Variants in MICU3 observed in about 807,000 individuals in gnomAD.
The protein encoded by MICU3 is mitochondrial calcium uptake 3.
MICU3 carries 62 observed loss-of-function variants against 66.5 expected under a neutral mutation model. The observed-to-expected ratio is 0.93, with a 90% confidence interval of 0.76 to 1.15. MICU3 has a LOEUF of 1.15. Ranked by LOEUF, MICU3 falls within the 50% of genes most tolerant of loss-of-function variation. MICU3 has a pLI of 0.00. For missense variants in MICU3, 779 were observed against 664.4 expected, an observed-to-expected ratio of 1.17 and a Z score of -1.90; for synonymous variants, 308 against 240.7, an observed-to-expected ratio of 1.28 and a Z score of -2.59.
the MICU3 span, among the ~76,000 whole-genome samples, chr8:17,136,906 C>G: frequency 6.6e-6 from 1 of 151,206 alleles, no homozygotes; most frequent in Non-Finnish European, 1.5e-5. Context: ...GTGATCTCAG[C>G]TCACTGCAAC....
intron 13 of MICU3, among the ~76,000 whole-genome samples, chr8:17,117,787 T>G (rs1325267698): frequency 6.6e-6 from 1 of 152,104 alleles, no homozygotes; most frequent in Admixed American, 6.6e-5. Flanking sequence ...TTTTTGTATT[T>G]TTAGTAGAGA....
downstream of MICU3, among the ~76,000 whole-genome samples, chr8:17,126,698 C>T (rs972644737): frequency 2.6e-5 from 4 of 152,082 alleles, no homozygotes; most frequent in East Asian, 3.9e-4. Context: ...GCTATGTATT[C>T]GGTGAATTTA....
At chr8:17,050,417 A>G (rs934072173) in intron 1 of MICU3, among the ~76,000 whole-genome samples, 1 of 151,986 alleles carries the variant, frequency 6.6e-6, no homozygotes, top group Non-Finnish European at 1.5e-5. Context: ...CACTTTATTA[A>G]TATTTCATTA....
At chr8:17,051,253 G>A (rs1358287283) in intron 1 of MICU3, among the ~76,000 whole-genome samples, 1 of 151,924 alleles carries the variant, frequency 6.6e-6, no homozygotes, top group Non-Finnish European at 1.5e-5. Flanking sequence ...AATTTTTAAA[G>A]CAATCACCAT....
rs779947528 is a variant in MICU3, at chr8:17,104,487, T to C, written c.1081T>C (p.Tyr361His). ...GKAELNFEDFYRFMDNLQTEV... is the reference protein window; with the variant it reads ...GKAELNFEDFHRFMDNLQTEV... ...AGCTGAGCTCAACTTTGAAGATTTTTATAGGTGAGCTTATTTTTATATTTT... is the reference window on the plus strand; with the variant it reads ...AGCTGAGCTCAACTTTGAAGATTTTCATAGGTGAGCTTATTTTTATATTTT... The change falls in exon 10 of 15, where the codon TAT (tyrosine) becomes CAT (histidine). Residue 361 changes from tyrosine (Y) to histidine (H), a missense_variant. Transcript: ENST00000318063. 1 of 1,408,440 alleles carries C rather than the reference T, an allele frequency of 7.1e-7. No individual in the cohort carries two copies. Among genetic ancestry groups the C allele is most frequent in the South Asian group, 1.7e-5 (1 of 58,006 alleles). 87.2% of individuals were successfully genotyped at this position (1,408,440 alleles called of 1,614,324 possible).
chr8:17,112,531 A>C (rs374339335), intron 11 of MICU3, among the ~76,000 whole-genome samples: 2 of 152,192 alleles, frequency 1.3e-5, no homozygotes, highest in African/African-American at 4.8e-5. Flanking sequence ...TTGTTATTTT[A>C]TAATTTTATA....
At chr8:17,055,070 A>G (rs1457366510) in intron 1 of MICU3, among the ~76,000 whole-genome samples, 2 of 152,098 alleles carry the variant, frequency 1.3e-5, no homozygotes, top group Non-Finnish European at 2.9e-5. Context: ...CAGTGTTTTG[A>G]GAAAAGGTCA....
chr8:17,114,236 G>A (rs766428589), intron 12 of MICU3, 35 bp downstream of exon 12: 15 of 1,301,202 alleles, frequency 1.2e-5, no homozygotes, highest in Non-Finnish European at 1.5e-5. Flanking sequence ...AAAGCAAGAA[G>A]TAATACTACA....
chr8:17,116,441 A>G lies in MICU3; in HGVS notation c.1367-2A>G. On this transcript the variant is annotated splice_acceptor_variant, in intron 12 of 14. Transcript: ENST00000318063. LOFTEE classifies it high-confidence loss of function. ...TTCTTTTTCTATGTAACATTTATCT[A>G]GATGAATTTAAACGTGCCGTCTATG... 7.6e-6 allele frequency: 11 copies of G among 1,448,602 alleles called. No homozygotes were observed. Among genetic ancestry groups the G allele is most frequent in the Non-Finnish European group, 1.0e-5 (11 of 1,098,640 alleles). The allele number at this position is 1,448,602 out of a possible 1,614,324, so 89.7% of individuals were successfully genotyped here. A position where few individuals can be genotyped will look rare whatever the true frequency, so the allele number is the denominator to read the frequency against.
At position 17,029,411 on chromosome 8, in the gene MICU3, G is replaced by C. The variant is rs533974019; in HGVS notation, c.381+1751G>C. 3.3e-5 allele frequency among the ~76,000 whole-genome samples: 5 copies of C among 152,284 alleles called. No individual in the cohort carries two copies. In the East Asian group the frequency reaches 7.7e-4, roughly 24 times the overall value. On this transcript the variant is annotated intron_variant, in intron 1 of 14. Coordinates refer to ENST00000318063, the MANE Select transcript of MICU3 (RefSeq NM_181723.3). The stretch of plus-strand genomic sequence containing the variant: ...GAATCACTTGAACCTGGGAGACAGA[G>C]GTTGCAGTGAGCCGAAATCACACCT...
intron 1 of MICU3, among the ~76,000 whole-genome samples, chr8:17,045,411 G>C (rs186390789): frequency 2.4e-3 from 370 of 152,294 alleles, no homozygotes; most frequent in African/African-American, 8.5e-3. Context: ...TGAACAGACA[G>C]GCCTGCTGGG....
chr8:17,088,693 G>A (rs1181657065), intron 7 of MICU3, among the ~76,000 whole-genome samples: 1 of 151,764 alleles, frequency 6.6e-6, no homozygotes, highest in East Asian at 1.9e-4. Flanking sequence ...TAAAAATACA[G>A]TATTATTCTG....
At chr8:17,087,646 A>G (rs114585912) in intron 7 of MICU3, among the ~76,000 whole-genome samples, 1,529 of 152,152 alleles carry the variant, frequency 0.01, 33 homozygotes, top group African/African-American at 0.035. Flanking sequence ...AACGGACACT[A>G]TACTAGGTGC....
chr8:17,074,055 G>GTTTTTTTTTTTTTTT (rs60252796), intron 3 of MICU3, among the ~76,000 whole-genome samples: 1 of 146,910 alleles, frequency 6.8e-6, no homozygotes, highest in East Asian at 2.0e-4. Flanking sequence ...TTTCTTTTTG[G>GTTTTTTTTTTTTTTT]TTTTTTTTTT....
intron 3 of MICU3, among the ~76,000 whole-genome samples, chr8:17,074,728 A>G (rs1195588932): frequency 1.3e-5 from 2 of 151,544 alleles, no homozygotes; most frequent in Admixed American, 1.3e-4. Flanking sequence ...TGTACTTACT[A>G]ATTTTTCTAT....
chr8:17,113,200 C>G (rs1431506403), intron 11 of MICU3, among the ~76,000 whole-genome samples: 1 of 152,206 alleles, frequency 6.6e-6, no homozygotes, highest in Non-Finnish European at 1.5e-5. Flanking sequence ...CCAACACGGC[C>G]TTGTTAGTGT....
intron 5 of MICU3, among the ~76,000 whole-genome samples, chr8:17,084,364 T>G (rs543389391): frequency 6.6e-6 from 1 of 152,264 alleles, no homozygotes; most frequent in South Asian, 2.1e-4. Flanking sequence ...TCTGTTATTT[T>G]CAGAAACAGC....
intron 3 of MICU3, among the ~76,000 whole-genome samples, chr8:17,073,540 A>G (rs979349026): frequency 2.6e-5 from 4 of 152,148 alleles, no homozygotes; most frequent in Non-Finnish European, 4.4e-5. Context: ...TTATTTCATT[A>G]TATGTTACAT....
intron 1 of MICU3, among the ~76,000 whole-genome samples, chr8:17,039,892 A>ATTTTT (rs1475568030): frequency 1.8e-5 from 1 of 54,300 alleles, no homozygotes; most frequent in African/African-American, 4.5e-5. Context: ...ATCATCTTGC[A>ATTTTT]TTCTTTTTTT....
Sources: allele counts gnomAD v4.1 joint callset (sites outside exome capture counted in the v4.1 genomes callset), GRCh38; gene constraint gnomAD v4.1.1; transcripts MANE v1.5; gene names NCBI Gene and HGNC (gene_info 2026-07-23, HGNC 2026-07-21).